Variants in SLF1 observed in about 807,000 individuals in gnomAD.
The protein encoded by SLF1 is SMC5/6 complex localization factor 1, also known as SMC5-SMC6 complex localization factor protein 1.
A neutral mutation model predicts 123.0 loss-of-function variants in SLF1; 105 were observed. That is an observed-to-expected ratio of 0.85 (90% CI 0.73 to 1.00). SLF1 has a LOEUF of 1.00. Among genes scored for constraint, SLF1 ranks in the 50% least tolerant of loss-of-function variants. The probability of loss-of-function intolerance (pLI) is 0.00; values close to 1 mark genes in which losing one functional copy is unlikely to be tolerated. For missense variants in SLF1, 1,239 were observed against 1,223.0 expected, an observed-to-expected ratio of 1.01 and a Z score of -0.20; for synonymous variants, 434 against 406.6, an observed-to-expected ratio of 1.07 and a Z score of -0.81.
chr5:94,660,558 G>A (rs967579945), intron 9 of SLF1, among the ~76,000 whole-genome samples: 2 of 152,154 alleles, frequency 1.3e-5, no homozygotes, highest in East Asian at 1.9e-4. Flanking sequence ...CAGACAAGGC[G>A]GTCTGATCCC....
chr5:94,630,812 C>T (rs1445420594), intron 4 of SLF1, 69 bp downstream of exon 4: 1 of 1,482,620 alleles, frequency 6.7e-7, no homozygotes, highest in African/African-American at 1.4e-5. Flanking sequence ...TGAGTACTTT[C>T]TGTATTTTTT....
At chr5:94,657,713 A>G (rs1748576303) in intron 9 of SLF1, among the ~76,000 whole-genome samples, 2 of 152,040 alleles carry the variant, frequency 1.3e-5, no homozygotes, top group Non-Finnish European at 1.5e-5. Context: ...CTGGATTTAT[A>G]TATCTGGGTG....
intron 4 of SLF1, among the ~76,000 whole-genome samples, chr5:94,634,150 A>G (rs1164964632): frequency 1.3e-5 from 2 of 152,186 alleles, no homozygotes; most frequent in African/African-American, 4.8e-5. Flanking sequence ...CAGATTAGTC[A>G]TTACTTCTGT....
chr5:94,630,011 C>A (rs1256295971), intron 3 of SLF1, among the ~76,000 whole-genome samples: 3 of 151,880 alleles, frequency 2.0e-5, no homozygotes, highest in East Asian at 3.9e-4. Flanking sequence ...TATAAAATGA[C>A]CTGAAAAATT....
chr5:94,650,904 ATAAT>A (rs1327137282), intron 6 of SLF1, among the ~76,000 whole-genome samples: 1 of 152,222 alleles, frequency 6.6e-6, no homozygotes, highest in Non-Finnish European at 1.5e-5. Context: ...AGTTATTAAA[ATAAT>A]TTAGTTTTGA....
At chr5:94,681,729 T>C (rs1751801486) in intron 15 of SLF1, among the ~76,000 whole-genome samples, 1 of 148,280 alleles carries the variant, frequency 6.7e-6, no homozygotes, top group African/African-American at 2.5e-5. Context: ...TTCCCACCTA[T>C]GAGTGAGAAT....
At position 94,670,920 on chromosome 5, in the gene SLF1, G is replaced by T. The variant is rs1424800217; in HGVS notation, c.1739G>T (p.Ser580Ile). ...CTTCTTGAAATTTTTTGGTCAGGAAGTGAAACCTCTGGGCTTTTGACCAAA... is the reference window on the plus strand; with the variant it reads ...CTTCTTGAAATTTTTTGGTCAGGAATTGAAACCTCTGGGCTTTTGACCAAA... Reference protein sequence around the residue: ...AMLLEIFWSGSETSGLLTKPV... With the variant: ...AMLLEIFWSGIETSGLLTKPV... The change falls in exon 14 of 21, where the codon AGT (serine) becomes ATT (isoleucine). Residue 580 changes from serine (S) to isoleucine (I), a missense_variant. Physicochemically the swap from Ser to Ile is moderately radical, Grantham distance 142. Transcript: ENST00000265140. The T allele has an allele frequency of 6.5e-7, 1 of 1,550,160 alleles. No homozygotes were observed. Among genetic ancestry groups the T allele is most frequent in the East Asian group, 2.5e-5 (1 of 40,800 alleles).
chr5:94,684,505 T>C (rs189278814), intron 15 of SLF1, among the ~76,000 whole-genome samples: 2,379 of 152,122 alleles, frequency 0.016, 62 homozygotes, highest in African/African-American at 0.054. Flanking sequence ...GAGACCATCC[T>C]GGCTAACACG....
At chr5:94,681,381 C>G (rs1234388831) in intron 15 of SLF1, among the ~76,000 whole-genome samples, 1 of 152,220 alleles carries the variant, frequency 6.6e-6, no homozygotes, top group Non-Finnish European at 1.5e-5. Context: ...ATCTGCCCAC[C>G]TCGGCTTCCC....
At chr5:94,647,674 T>TA (rs1436922294) in intron 5 of SLF1, among the ~76,000 whole-genome samples, 3 of 152,186 alleles carry the variant, frequency 2.0e-5, no homozygotes, top group African/African-American at 7.2e-5. Flanking sequence ...CTAAGATACT[T>TA]ATAAGGAATA....
chr5:94,651,024 C>T (rs1243761994), intron 6 of SLF1, among the ~76,000 whole-genome samples: 3 of 152,118 alleles, frequency 2.0e-5, no homozygotes, highest in Non-Finnish European at 4.4e-5. Context: ...CAACAACGGA[C>T]CCCATATATG....
intron 9 of SLF1, among the ~76,000 whole-genome samples, chr5:94,661,941 TTA>T (rs900427948): frequency 6.6e-6 from 1 of 152,188 alleles, no homozygotes; most frequent in Non-Finnish European, 1.5e-5. Context: ...TGACATATGG[TTA>T]TATAGCAAAC....
rs1200086775 is a variant in SLF1 at position 94,663,639 on chromosome 5, C to T, written c.1210-111C>T. The T allele has an allele frequency of 4.6e-5, 44 of 961,666 alleles. No individual in the cohort carries two copies. The South Asian group carries it at 5.4e-4, about 12-fold the overall frequency. 59.6% of individuals were successfully genotyped at this position (961,666 alleles called of 1,614,324 possible). ...CAGCCTGGGTAACAGAGTGAGACTC[C>T]GTCTCAAATGAATGAATGAATAAAT... On this transcript the variant is annotated intron_variant, in intron 10 of 20. Coordinates refer to ENST00000265140, the MANE Select transcript of SLF1 (RefSeq NM_032290.4).
At chr5:94,666,712 C>T (rs1215829908) in intron 12 of SLF1, among the ~76,000 whole-genome samples, 1 of 152,214 alleles carries the variant, frequency 6.6e-6, no homozygotes, top group Non-Finnish European at 1.5e-5. Flanking sequence ...TCTTGGCTCA[C>T]TGTAACCTCT....
Position 94,670,279 on chromosome 5 carries a change from A to C in SLF1, c.1661A>C (p.Lys554Thr). The part of the protein sequence containing the change: ...IESEVQHLSQ[K>T]LYDWSDSQNL... Reference sequence around the variant, plus strand: ...AGTGAAGTACAACATCTGAGTCAAAAGTAAGTTCTAATCGCAAGAATAACA... The same window carrying C: ...AGTGAAGTACAACATCTGAGTCAAACGTAAGTTCTAATCGCAAGAATAACA... Residue 554 changes from lysine to threonine, a missense_variant and splice_region_variant, in exon 13 of 21, where the codon AAG becomes ACG. Physicochemically the swap from Lys to Thr is moderately conservative, Grantham distance 78. Coordinates refer to ENST00000265140, the MANE Select transcript of SLF1 (RefSeq NM_032290.4). 1.4e-6 allele frequency: 2 copies of C among 1,474,066 alleles called. No individual in the cohort carries two copies. The highest frequency in any genetic ancestry group is 2.9e-5 in the South Asian group (2 of 69,624). The allele number at this position is 1,474,066 out of a possible 1,614,324, so 91.3% of individuals were successfully genotyped here.
At chr5:94,657,127 G>A (rs1480366447) in intron 9 of SLF1, among the ~76,000 whole-genome samples, 2 of 151,098 alleles carry the variant, frequency 1.3e-5, no homozygotes, top group African/African-American at 2.4e-5. Context: ...TCCTTGAGGT[G>A]CATTGTTAAG....
At chr5:94,649,398 C>A in intron 5 of SLF1, 56 bp from the exon 6 acceptor site, 1 of 1,334,896 alleles carries the variant, frequency 7.5e-7, no homozygotes, top group Non-Finnish European at 9.9e-7. Flanking sequence ...ATAAAACGTA[C>A]ATAATATTGA....
chr5:94,651,036 T>C (rs1747659170), intron 6 of SLF1, among the ~76,000 whole-genome samples: 1 of 152,240 alleles, frequency 6.6e-6, no homozygotes, highest in Admixed American at 6.5e-5. Flanking sequence ...CCATATATGA[T>C]AGTATCTTAT....
intron 1 of SLF1, among the ~76,000 whole-genome samples, chr5:94,627,404 CAG>C (rs1391763111): frequency 1.3e-5 from 2 of 151,874 alleles, no homozygotes; most frequent in Non-Finnish European, 2.9e-5. Context: ...TGTAAACAAA[CAG>C]AATTGTATTC....
Sources: gnomAD v4.1 joint callset for allele counts (sites outside exome capture counted in the v4.1 genomes callset) on GRCh38, gnomAD v4.1.1 for gene constraint, MANE v1.5 for transcripts, NCBI Gene and HGNC (gene_info 2026-07-23, HGNC 2026-07-21) for gene names.